Variants in RAB7A observed in about 807,000 individuals in gnomAD.
The protein encoded by RAB7A is RAB7A, member RAS oncogene family.
In RAB7A, 2 loss-of-function variants were observed where a neutral mutation model predicts 24.5. The ratio of observed to expected loss-of-function variants is 0.08; its 90% CI spans 0.03 to 0.26. The LOEUF (loss-of-function observed/expected upper bound fraction) is 0.26, where lower values mean the gene tolerates loss of function less well. RAB7A is among the 10% of genes least tolerant of loss of function. The pLI, the probability that RAB7A is intolerant of heterozygous loss-of-function variation, is 1.00. For missense variants in RAB7A, 118 were observed against 255.7 expected, an observed-to-expected ratio of 0.46 and a Z score of 3.67; for synonymous variants, 100 against 95.9, an observed-to-expected ratio of 1.04 and a Z score of -0.25.
chr3:128,807,386 A>G (rs550480905), intron 4 of RAB7A, among the ~76,000 whole-genome samples, 157 bp from the exon 5 acceptor site: 1 of 152,082 alleles, frequency 6.6e-6, no homozygotes, highest in African/African-American at 2.4e-5. Context: ...ACAAGTTTGG[A>G]CGGGTCTGCA....
At chr3:128,729,134 AT>A (rs989114115) in intron 1 of RAB7A, among the ~76,000 whole-genome samples, 393 of 151,612 alleles carry the variant, frequency 2.6e-3, no homozygotes, top group African/African-American at 9.1e-3. Flanking sequence ...TTTTTTTAAA[AT>A]TTTTTTTTAG....
intron 1 of RAB7A, among the ~76,000 whole-genome samples, chr3:128,792,584 A>G (rs1005439411): frequency 1.1e-4 from 16 of 147,922 alleles, no homozygotes; most frequent in South Asian, 1.1e-3. Context: ...TTTTTTGTGT[A>G]TTTAGTAGAG....
rs544883164 is a variant in RAB7A at position 128,797,747 on chromosome 3, C to T, written c.54-196C>T. ...TTCCACATCTGCCCCACATCTGTAC[C>T]CTATATTTTTACCCAGAGAGAAAAC... On this transcript the variant is annotated intron_variant, in intron 2 of 5. Transcript: ENST00000265062. Among the ~76,000 whole-genome samples, 7 of 152,288 alleles carry T rather than the reference C, an allele frequency of 4.6e-5. No homozygotes were observed. In the East Asian group the frequency reaches 9.6e-4, roughly 21 times the overall value.
At chr3:128,765,927 A>G (rs757134214) in intron 1 of RAB7A, among the ~76,000 whole-genome samples, 56 of 151,932 alleles carry the variant, frequency 3.7e-4, no homozygotes, top group Non-Finnish European at 7.1e-4. Flanking sequence ...ACTCTGGGCT[A>G]ATTTTTATAT....
intron 5 of RAB7A, among the ~76,000 whole-genome samples, chr3:128,811,212 C>T (rs1181910273): frequency 6.6e-6 from 1 of 151,998 alleles, no homozygotes; most frequent in Non-Finnish European, 1.5e-5. Flanking sequence ...CTATAACCTC[C>T]AACTTCTGGG....
rs2070843698 is a variant in RAB7A, at chr3:128,767,533, G to A, written c.-8-27827G>A. Among the ~76,000 whole-genome samples, 4 of 152,198 alleles carry A rather than the reference G, an allele frequency of 2.6e-5. No homozygotes were observed. In the South Asian group the frequency reaches 8.3e-4, roughly 31 times the overall value. On this transcript the variant is annotated intron_variant, in intron 1 of 5. Coordinates refer to ENST00000265062, the MANE Select transcript of RAB7A (RefSeq NM_004637.6). ...ACTAGGATTGTGGAAATGTAAAGAG[G>A]TTAGGGAAAGATTTGTATGGCTGGG...
At chr3:128,739,366 A>G (rs771708440) in intron 1 of RAB7A, among the ~76,000 whole-genome samples, 2 of 152,130 alleles carry the variant, frequency 1.3e-5, no homozygotes, top group Non-Finnish European at 2.9e-5. Flanking sequence ...TACAAAAAGT[A>G]GCTGGGTGTG....
chr3:128,747,503 T>G (rs2070629842), intron 1 of RAB7A, among the ~76,000 whole-genome samples: 1 of 151,210 alleles, frequency 6.6e-6, no homozygotes, highest in Non-Finnish European at 1.5e-5. Flanking sequence ...GGAGAATTGC[T>G]TGAACCCAGG....
chr3:128,739,634 TCTG>T (rs1341106225), intron 1 of RAB7A, among the ~76,000 whole-genome samples: 5 of 152,252 alleles, frequency 3.3e-5, no homozygotes, highest in Admixed American at 2.6e-4. Flanking sequence ...TACATACTCT[TCTG>T]CTATTAGCTT....
intron 2 of RAB7A, among the ~76,000 whole-genome samples, chr3:128,796,529 A>C (rs1442179930): frequency 6.6e-6 from 1 of 152,186 alleles, no homozygotes; most frequent in Non-Finnish European, 1.5e-5. Flanking sequence ...ACTCATTGGA[A>C]GCTTATGTAT....
At chr3:128,763,208 ATTTTTTTTTT>A (rs1174944964) in intron 1 of RAB7A, among the ~76,000 whole-genome samples, 42 of 76,060 alleles carry the variant, frequency 5.5e-4, no homozygotes, top group Non-Finnish European at 7.8e-4. Context: ...ATATATATAT[ATTTTTTTTTT>A]TTTTTTTTTT....
intron 3 of RAB7A, chr3:128,798,820 TTAAA>T (rs1456787021): frequency 2.5e-3 from 419 of 167,502 alleles, no homozygotes; most frequent in South Asian, 8.7e-3. Flanking sequence ...GTCTCTAAAT[TTAAA>T]AAAAAAAAAA....
chr3:128,770,575 G>A (rs2070875867), intron 1 of RAB7A, among the ~76,000 whole-genome samples: 1 of 152,152 alleles, frequency 6.6e-6, no homozygotes, highest in Non-Finnish European at 1.5e-5. Context: ...GAGAGTCATG[G>A]GGGAGGAGAA....
chr3:128,742,815 A>C (rs944431430), intron 1 of RAB7A, among the ~76,000 whole-genome samples: 1 of 152,170 alleles, frequency 6.6e-6, no homozygotes, highest in Non-Finnish European at 1.5e-5. Flanking sequence ...CTAGCTAGAC[A>C]TAAAAGTTCT....
At chr3:128,804,430 T>C (rs1376758423) in intron 3 of RAB7A, among the ~76,000 whole-genome samples, 1 of 152,250 alleles carries the variant, frequency 6.6e-6, no homozygotes, top group Non-Finnish European at 1.5e-5. Flanking sequence ...ACTTTCTCTT[T>C]GCTATTGTGT....
intron 5 of RAB7A, among the ~76,000 whole-genome samples, chr3:128,812,418 G>A (rs1205863434): frequency 6.6e-6 from 1 of 152,058 alleles, no homozygotes; most frequent in Non-Finnish European, 1.5e-5. Flanking sequence ...CTCAGCCAAA[G>A]CTGTTATTTT....
chr3:128,751,233 G>A (rs1181492470), intron 1 of RAB7A, among the ~76,000 whole-genome samples: 2 of 152,136 alleles, frequency 1.3e-5, no homozygotes, highest in Non-Finnish European at 2.9e-5. Flanking sequence ...TGAGAAGAGG[G>A]CCACCATCCT....
chr3:128,788,524 G>A (rs1933387998), intron 1 of RAB7A, among the ~76,000 whole-genome samples: 1 of 152,192 alleles, frequency 6.6e-6, no homozygotes. Context: ...CGGATGACAA[G>A]TTTGGTACTT....
intron 1 of RAB7A, among the ~76,000 whole-genome samples, chr3:128,758,736 G>T (rs1057340498): frequency 1.3e-5 from 2 of 152,110 alleles, no homozygotes; most frequent in African/African-American, 4.8e-5. Flanking sequence ...AAAGGGTTTG[G>T]AGTATATCAA....
Sources: gnomAD v4.1 joint callset for allele counts (sites outside exome capture counted in the v4.1 genomes callset) on GRCh38, gnomAD v4.1.1 for gene constraint, MANE v1.5 for transcripts, NCBI Gene and HGNC (gene_info 2026-07-23, HGNC 2026-07-21) for gene names.